The following DACH2 variants were observed in gnomAD, a reference collection of about 807,000 sequenced individuals.
The protein encoded by DACH2 is dachshund homolog 2.
DACH2 carries 17 observed loss-of-function variants against 35.8 expected under a neutral mutation model. The ratio of observed to expected loss-of-function variants is 0.48; its 90% CI spans 0.33 to 0.71. DACH2 has a LOEUF of 0.71. Among genes scored for constraint, DACH2 ranks in the 30% least tolerant of loss-of-function variants. DACH2 has a pLI of 0.02. For missense variants in DACH2, 469 were observed against 472.7 expected, an observed-to-expected ratio of 0.99 and a Z score of 0.07; for synonymous variants, 195 against 177.3, an observed-to-expected ratio of 1.10 and a Z score of -0.79.
chrX:86,399,470 C>G (rs977939355), intron 2 of DACH2, among the ~76,000 whole-genome samples: 1 of 111,751 alleles, frequency 8.9e-6, no homozygotes, highest in South Asian at 3.8e-4. Context: ...CAGTTTCTTC[C>G]TAGCCTTGAT....
chrX:86,770,390 G>A (rs1474860551), intron 7 of DACH2, among the ~76,000 whole-genome samples: 1 of 111,783 alleles, frequency 8.9e-6, no homozygotes, highest in Non-Finnish European at 1.9e-5. Flanking sequence ...ATTTTGACTT[G>A]AGGTAGTTGT....
At chrX:86,546,401 C>CTTCTTCTTCTTCTTCTTCTTCT in intron 3 of DACH2, among the ~76,000 whole-genome samples, 1 of 62,858 alleles carries the variant, frequency 1.6e-5, no homozygotes, top group African/African-American at 7.7e-5. Flanking sequence ...TCTTCTTCTT[C>CTTCTTCTTCTTCTTCTTCTTCT]TTCCTTCTTC....
At chrX:86,386,663 C>T (rs2036127310) in intron 2 of DACH2, among the ~76,000 whole-genome samples, 2 of 111,314 alleles carry the variant, frequency 1.8e-5, no homozygotes, top group South Asian at 7.5e-4. Context: ...ATTGTTTCAG[C>T]TTTGGCCATT....
intron 1 of DACH2, among the ~76,000 whole-genome samples, chrX:86,356,027 A>G (rs1419400199): frequency 2.7e-5 from 3 of 110,760 alleles, no homozygotes; most frequent in Non-Finnish European, 5.7e-5. Flanking sequence ...AAAGCTCTTT[A>G]ATATAATATT....
intron 2 of DACH2, among the ~76,000 whole-genome samples, chrX:86,432,220 A>G (rs1372282863): frequency 8.9e-6 from 1 of 112,351 alleles, no homozygotes; most frequent in Non-Finnish European, 1.9e-5. Flanking sequence ...TGGTTTGAGC[A>G]ACAGAAAAGA....
At chrX:86,778,886 G>A (rs999890094) in intron 7 of DACH2, among the ~76,000 whole-genome samples, 3 of 111,901 alleles carry the variant, frequency 2.7e-5, no homozygotes, top group Admixed American at 9.5e-5. Context: ...TATTACAGGT[G>A]TGAGCCACCA....
At chrX:86,665,255 C>T (rs2040653121) in intron 4 of DACH2, among the ~76,000 whole-genome samples, 1 of 111,859 alleles carries the variant, frequency 8.9e-6, no homozygotes, top group South Asian at 3.7e-4. Flanking sequence ...ACAAGGGCAG[C>T]ATTCTCTAGC....
intron 1 of DACH2, among the ~76,000 whole-genome samples, chrX:86,248,105 A>C (rs1323840416): frequency 9.0e-6 from 1 of 111,536 alleles, no homozygotes; most frequent in Non-Finnish European, 1.9e-5. Context: ...AAAAGCTGCA[A>C]GCATTCTTCT....
At chrX:86,721,438 A>G (rs1462582397) in intron 6 of DACH2, among the ~76,000 whole-genome samples, 1 of 111,909 alleles carries the variant, frequency 8.9e-6, no homozygotes, top group Non-Finnish European at 1.9e-5. Flanking sequence ...GCATAGCAAG[A>G]GTCACCTTTA....
intron 4 of DACH2, among the ~76,000 whole-genome samples, chrX:86,668,860 C>T (rs1181641186): frequency 1.8e-5 from 2 of 111,473 alleles, no homozygotes; most frequent in African/African-American, 6.5e-5. Context: ...CTTTATTCCT[C>T]ATAATGATCT....
chrX:86,302,849 G>A (rs2034600536), intron 1 of DACH2, among the ~76,000 whole-genome samples: 1 of 109,829 alleles, frequency 9.1e-6, no homozygotes, highest in Non-Finnish European at 1.9e-5. Context: ...ATATGGCTGT[G>A]CAGTGTTTTG....
chrX:86,405,009 G>A (rs1289060038), intron 2 of DACH2, among the ~76,000 whole-genome samples: 1 of 112,116 alleles, frequency 8.9e-6, no homozygotes, highest in East Asian at 2.8e-4. Context: ...TTTAGCCACA[G>A]CCATGGCTTG....
chrX:86,777,999 A>G (rs1431453470), intron 7 of DACH2, among the ~76,000 whole-genome samples: 2 of 111,819 alleles, frequency 1.8e-5, no homozygotes, highest in Non-Finnish European at 3.8e-5. Context: ...GTCATTAAGC[A>G]TGGTGTACAA....
intron 3 of DACH2, among the ~76,000 whole-genome samples, chrX:86,527,752 T>C (rs966320689): frequency 4.5e-5 from 5 of 111,998 alleles, no homozygotes; most frequent in African/African-American, 1.6e-4. Context: ...TGTATGTCTA[T>C]GTTTATAGGA....
At chrX:86,303,010 C>A (rs1046096936) in intron 1 of DACH2, among the ~76,000 whole-genome samples, 31 of 105,368 alleles carry the variant, frequency 2.9e-4, no homozygotes, top group Admixed American at 8.7e-4. Flanking sequence ...CTTCATATTG[C>A]AGATGAGAAA....
intron 4 of DACH2, among the ~76,000 whole-genome samples, chrX:86,656,857 GTATATATATATATATA>G (rs752576150): frequency 4.5e-5 from 3 of 66,772 alleles, no homozygotes; most frequent in African/African-American, 2.2e-4. Flanking sequence ...GTGTGTGTGT[GTATATATATATATATA>G]TATATATATA....
At chrX:86,687,777 C>A (rs1271356089) in intron 4 of DACH2, among the ~76,000 whole-genome samples, 3 of 109,404 alleles carry the variant, frequency 2.7e-5, no homozygotes, top group Non-Finnish European at 3.8e-5. Flanking sequence ...TCATTCTCAG[C>A]AAACTATCAC....
chrX:86,830,279 T>C (rs2042600117), intron 11 of DACH2: 1 of 112,130 alleles, frequency 8.9e-6, no homozygotes, highest in Admixed American at 9.5e-5. Context: ...CATTCAGCAT[T>C]GGCACATGTA....
chrX:86,197,453 G>A (rs1293653221), intron 1 of DACH2, among the ~76,000 whole-genome samples: 2 of 111,268 alleles, frequency 1.8e-5, no homozygotes, highest in Non-Finnish European at 3.8e-5. Flanking sequence ...TCAATTAAAA[G>A]GTGATGAATG....
Sources: gnomAD v4.1 joint callset for allele counts (sites outside exome capture counted in the v4.1 genomes callset) on GRCh38, gnomAD v4.1.1 for gene constraint, MANE v1.5 for transcripts, NCBI Gene and HGNC (gene_info 2026-07-23, HGNC 2026-07-21) for gene names.